DIABLO: variants seen among roughly 807,000 people sequenced by gnomAD.
The protein encoded by DIABLO is diablo IAP-binding mitochondrial protein.
A neutral mutation model predicts 31.7 loss-of-function variants in DIABLO; 32 were observed. That is an observed-to-expected ratio of 1.01 (90% CI 0.76 to 1.35). DIABLO has a LOEUF of 1.35. Ranked by LOEUF, DIABLO falls within the 40% of genes most tolerant of loss-of-function variation. The pLI is 0.00. For missense variants in DIABLO, 316 were observed against 286.4 expected (o/e 1.10, Z -0.75); for synonymous variants, 132 against 103.2 (o/e 1.28, Z -1.69).
intron 1 of DIABLO, chr12:122,225,516 C>G (rs1954440012): frequency 4.7e-6 from 5 of 1,064,128 alleles, no homozygotes; most frequent in East Asian, 8.1e-5. Flanking sequence ...GACGGTCCCG[C>G]TACAATCGCC....
intron 2 of DIABLO, chr12:122,222,706 T>A (rs1373660545): frequency 6.6e-6 from 1 of 152,176 alleles, no homozygotes; most frequent in African/African-American, 2.4e-5. Context: ...ATGAAACTGT[T>A]CCACCTCAGA....
At chr12:122,223,560 C>G (rs149526642) in intron 2 of DIABLO, among the ~76,000 whole-genome samples, 6 of 152,238 alleles carry the variant, frequency 3.9e-5, no homozygotes, top group Non-Finnish European at 8.8e-5. Flanking sequence ...TCATCTATTA[C>G]GGTCTCCCCC....
intron 2 of DIABLO, among the ~76,000 whole-genome samples, chr12:122,220,356 C>T (rs1954307155): frequency 6.6e-6 from 1 of 151,516 alleles, no homozygotes; most frequent in African/African-American, 2.4e-5. Flanking sequence ...TCCTCCCTGA[C>T]TCTCTGCCTT....
chr12:122,208,834 AATC>A (rs1954006581), intron 5 of DIABLO: 1 of 588,182 alleles, frequency 1.7e-6, no homozygotes, highest in African/African-American at 1.8e-5. Context: ...CAACTCTCAC[AATC>A]ATCTTTATAG....
chr12:122,219,732 G>A (rs1373626917), intron 2 of DIABLO, among the ~76,000 whole-genome samples: 1 of 151,316 alleles, frequency 6.6e-6, no homozygotes, highest in Non-Finnish European at 1.5e-5. Context: ...GCATGGTGGT[G>A]GGCACCTGTA....
At chr12:122,221,169 G>A (rs1954328292) in intron 2 of DIABLO, 2 of 152,184 alleles carry the variant, frequency 1.3e-5, no homozygotes, top group African/African-American at 4.8e-5. Context: ...TGGCCAAAAA[G>A]GAGGAGATAG....
chr12:122,214,901 G>C (rs1340811211), intron 5 of DIABLO, among the ~76,000 whole-genome samples: 1 of 152,104 alleles, frequency 6.6e-6, no homozygotes, highest in Non-Finnish European at 1.5e-5. Context: ...ACGGTGGCCA[G>C]GGTAGTGTCA....
At chr12:122,218,166 T>C (rs1954255884) in intron 3 of DIABLO, 100 bp downstream of exon 3, 1 of 1,413,670 alleles carries the variant, frequency 7.1e-7, no homozygotes, top group South Asian at 1.2e-5. Flanking sequence ...CCTGGCTATG[T>C]TTCAATCAAA....
chr12:122,224,951 A>G, intron 1 of DIABLO: 1 of 746,326 alleles, frequency 1.3e-6, no homozygotes, highest in Non-Finnish European at 1.9e-6. Context: ...CCCCGTGTCT[A>G]TTAAAAAAAA....
At chr12:122,212,729 A>G (rs1288127987) in intron 5 of DIABLO, among the ~76,000 whole-genome samples, 2 of 151,016 alleles carry the variant, frequency 1.3e-5, no homozygotes, top group Non-Finnish European at 2.9e-5. Context: ...GGTTCACGCC[A>G]TTCTCCTGCC....
At chr12:122,220,351 C>T (rs1222717112) in intron 2 of DIABLO, among the ~76,000 whole-genome samples, 1 of 152,140 alleles carries the variant, frequency 6.6e-6, no homozygotes, top group Non-Finnish European at 1.5e-5. Flanking sequence ...ACACATCCTC[C>T]CTGACTCTCT....
intron 5 of DIABLO, among the ~76,000 whole-genome samples, chr12:122,209,545 G>A (rs1284638837): frequency 6.6e-6 from 1 of 151,830 alleles, no homozygotes; most frequent in Non-Finnish European, 1.5e-5. Flanking sequence ...TGCACCTGCA[G>A]TCTCAGCTAC....
intron 2 of DIABLO, 191 bp from the exon 3 acceptor site, chr12:122,218,588 A>G: frequency 1.5e-6 from 1 of 649,164 alleles, no homozygotes; most frequent in East Asian, 2.9e-5. Context: ...ATAATTCCGG[A>G]GTATGCTTTC....
At chr12:122,223,729 T>C (rs998340391) in intron 2 of DIABLO, among the ~76,000 whole-genome samples, 8 of 152,214 alleles carry the variant, frequency 5.3e-5, no homozygotes, top group South Asian at 4.1e-4. Context: ...CTACTTCGCC[T>C]TATCAGAGTA....
Position 122,218,360 on chromosome 12 carries a change from A to T in DIABLO, c.221T>A (p.Met74Lys). 5.0e-6 allele frequency: 8 copies of T among 1,614,180 alleles called. No individual in the cohort carries two copies. The highest frequency in any genetic ancestry group is 6.8e-6 in the Non-Finnish European group (8 of 1,180,026). Residue 74 changes from methionine (M) to lysine (K), a missense_variant, in exon 3 of 6, where the codon ATG (methionine) becomes AAG (lysine). Coordinates refer to ENST00000464942, the MANE Select transcript of DIABLO (RefSeq NM_001371333.1). ...EPHSLSSEAL[M>K]RRAVSLVTDS... ...TGTTACCAAAGACACTGCTCTCCTCATCAATGCTTCACTACTAAGGGAATG... is the reference window on the plus strand; with the variant it reads ...TGTTACCAAAGACACTGCTCTCCTCTTCAATGCTTCACTACTAAGGGAATG...
At chr12:122,222,872 C>T (rs1162595961) in intron 2 of DIABLO, among the ~76,000 whole-genome samples, 1 of 152,118 alleles carries the variant, frequency 6.6e-6, no homozygotes, top group Non-Finnish European at 1.5e-5. Context: ...CACCACTCAC[C>T]TCCTGCTGTG....
intron 5 of DIABLO, among the ~76,000 whole-genome samples, chr12:122,212,358 CCTT>C (rs1478307951): frequency 6.6e-6 from 1 of 152,094 alleles, no homozygotes; most frequent in Non-Finnish European, 1.5e-5. Context: ...ACTGATTTTT[CCTT>C]CTTCATAGTT....
chr12:122,209,860 T>C, intron 5 of DIABLO: 1 of 701,100 alleles, frequency 1.4e-6, no homozygotes, highest in Non-Finnish European at 2.6e-6. Flanking sequence ...AAAACACTTC[T>C]GAAAGTCCAC....
At position 122,208,554 on chromosome 12, in the gene DIABLO, C is replaced by A; in HGVS notation, c.547G>T (p.Ala183Ser). 1 of 1,613,514 alleles carries A rather than the reference C, an allele frequency of 6.2e-7. No homozygotes were observed. The highest frequency in any genetic ancestry group is 8.5e-7 in the Non-Finnish European group (1 of 1,180,038). Residue 183 changes from alanine to serine, a missense_variant, in exon 6 of 6, where the codon GCC (alanine) becomes TCC (serine). Coordinates refer to ENST00000464942, the MANE Select transcript of DIABLO (RefSeq NM_001371333.1). ...TTCACCAGCTGAATGTGATTCCTGG[C>A]GGTTATAGAGGCCTGATCTGCGCCT... ...QTGADQASIT[A>S]RNHIQLVKLQ...
Sources: allele counts gnomAD v4.1 joint callset (sites outside exome capture counted in the v4.1 genomes callset), GRCh38; gene constraint gnomAD v4.1.1; transcripts MANE v1.5; gene names NCBI Gene and HGNC (gene_info 2026-07-23, HGNC 2026-07-21).